The following KIF5C variants were observed in gnomAD, a reference collection of about 807,000 sequenced individuals.
The protein encoded by KIF5C is kinesin heavy chain isoform 5C.
Under a neutral mutation model 125.2 loss-of-function variants are expected in KIF5C, and 18 were observed. The observed-to-expected ratio is 0.14, with a 90% CI of 0.10 to 0.21. KIF5C has a LOEUF of 0.21. KIF5C is among the 10% of genes least tolerant of loss of function. The pLI, the probability that KIF5C is intolerant of heterozygous loss-of-function variation, is 1.00. For synonymous variants in KIF5C, 405 were observed against 434.0 expected (o/e 0.93, Z 0.83); for missense variants, 780 against 1,183.8 (o/e 0.66, Z 5.01).
intron 21 of KIF5C, among the ~76,000 whole-genome samples, chr2:149,003,519 TGA>T: frequency 6.6e-6 from 1 of 152,292 alleles, no homozygotes; most frequent in East Asian, 1.9e-4. Context: ...CTGTCCACTG[TGA>T]CAGGAAGCTG....
At chr2:148,890,946 T>C (rs1057127912) in intron 1 of KIF5C, among the ~76,000 whole-genome samples, 3 of 152,218 alleles carry the variant, frequency 2.0e-5, no homozygotes, top group Non-Finnish European at 4.4e-5. Context: ...TTATCATATA[T>C]ATTATATATA....
chr2:149,000,903 T>G, intron 21 of KIF5C, 121 bp downstream of exon 21: 1 of 1,502,986 alleles, frequency 6.7e-7, no homozygotes, highest in Non-Finnish European at 8.9e-7. Flanking sequence ...AGATAAGACA[T>G]TCTATGGAAA....
At position 148,945,945 on chromosome 2, in the gene KIF5C, A is replaced by G. The variant is rs192251626; in HGVS notation, c.590-954A>G. ...CAGCTTAATGATATTAAGTCTTTCA[A>G]TCAATCCCTTTATTTGTGTCTTCTT... On this transcript the variant is annotated intron_variant, in intron 7 of 25. Coordinates refer to ENST00000435030, the MANE Select transcript of KIF5C (RefSeq NM_004522.3). 5.3e-5 allele frequency among the ~76,000 whole-genome samples: 8 copies of G among 152,344 alleles called. No homozygotes were observed. In the East Asian group the frequency reaches 1.5e-3, roughly 29 times the overall value.
chr2:149,014,157 TG>T (rs1330603472), intron 25 of KIF5C, among the ~76,000 whole-genome samples: 3 of 152,192 alleles, frequency 2.0e-5, no homozygotes, highest in African/African-American at 7.2e-5. Flanking sequence ...CCCGAGTAGC[TG>T]GGATTACAGG....
chr2:148,906,977 T>C (rs1187940867), intron 1 of KIF5C, among the ~76,000 whole-genome samples: 1 of 152,174 alleles, frequency 6.6e-6, no homozygotes, highest in African/African-American at 2.4e-5. Flanking sequence ...GAAGGATCAC[T>C]TGAGTCCAGA....
rs183551186 is a variant in KIF5C at position 148,937,189 on chromosome 2, G to A, written c.292-95G>A. The A allele has an allele frequency of 1.3e-3, 1,944 of 1,495,124 alleles. 5 individuals carry two copies. The highest frequency in any genetic ancestry group is 8.5e-3 in the Middle Eastern group (36 of 4,218). The allele number at this position is 1,495,124 out of a possible 1,614,324, so 92.6% of individuals were successfully genotyped here. The stretch of plus-strand genomic sequence containing the variant: ...ACACGTGGGTGCTTCCTGCTCCACC[G>A]GGTTCTGTCTGAGGAACCCAGAGAT... On this transcript the variant is annotated intron_variant, in intron 3 of 25. Coordinates refer to ENST00000435030, the MANE Select transcript of KIF5C (RefSeq NM_004522.3).
chr2:148,995,713 G>A (rs894158720), intron 17 of KIF5C, among the ~76,000 whole-genome samples: 3 of 152,164 alleles, frequency 2.0e-5, no homozygotes, highest in African/African-American at 7.2e-5. Context: ...CCATCTAAAT[G>A]TCTAATAGTT....
intron 19 of KIF5C, among the ~76,000 whole-genome samples, chr2:148,999,004 C>T (rs555838284): frequency 6.6e-6 from 1 of 152,298 alleles, no homozygotes; most frequent in African/African-American, 2.4e-5. Context: ...TCCATGTGCT[C>T]ACTTCTTAGG....
chr2:148,883,755 C>T (rs2105037909), intron 1 of KIF5C: 1 of 152,144 alleles, frequency 6.6e-6, no homozygotes. Flanking sequence ...CTAATCAATA[C>T]TTTATTTCCT....
rs768780650 is a variant in KIF5C at position 148,979,007 on chromosome 2, AT to A, written c.1362+26del. The A allele has an allele frequency of 2.6e-4, 398 of 1,524,480 alleles. No individual in the cohort carries two copies. The highest frequency in any genetic ancestry group is 9.1e-4 in the South Asian group (70 of 76,720). The allele number at this position is 1,524,480 out of a possible 1,614,324, so 94.4% of individuals were successfully genotyped here. On this transcript the variant is annotated intron_variant, in intron 13 of 25. Coordinates refer to ENST00000435030, the MANE Select transcript of KIF5C (RefSeq NM_004522.3). ...CAGGATGAGGTAAAGAATGCAATAT[AT>A]TTTTTTTTCCACAAAGTTCTTCTAT...
chr2:148,934,234 C>T (rs1355176568), intron 3 of KIF5C, among the ~76,000 whole-genome samples: 1 of 150,812 alleles, frequency 6.6e-6, no homozygotes, highest in African/African-American at 2.4e-5. Context: ...TACATATACA[C>T]ACAGATATAT....
Position 149,025,882 on chromosome 2 carries a change from G to T in KIF5C, c.*2812G>T, listed in dbSNP as rs1229571564. ...ACACTTTGCTTTTGTTAAACAGCAG[G>T]TAGTAGACAGAACAATAACAGTTTC... On this transcript the variant is annotated 3_prime_UTR_variant, in exon 26 of 26. Coordinates refer to ENST00000435030, the MANE Select transcript of KIF5C (RefSeq NM_004522.3). The T allele has an allele frequency of 2.0e-5, 3 of 152,626 alleles. No homozygotes were observed. The highest frequency in any genetic ancestry group is 7.2e-5 in the African/African-American group (3 of 41,450). The allele number at this position is 152,626 out of a possible 1,614,324, so 9.5% of individuals were successfully genotyped here. A position where few individuals can be genotyped will look rare whatever the true frequency, so the allele number is the denominator to read the frequency against.
rs11899266 is a variant in KIF5C, at chr2:149,000,985, G to A, written c.2373+203G>A. On this transcript the variant is annotated intron_variant, in intron 21 of 25. Coordinates refer to ENST00000435030, the MANE Select transcript of KIF5C (RefSeq NM_004522.3). ...AACCAATCCATCTATCCTTAGAGCA[G>A]TAACCTGGAGCCCCTGAGTGAGGAT... 5.5e-3 allele frequency among the ~76,000 whole-genome samples: 844 copies of A among 152,356 alleles called. 5 individuals are homozygous for A. The highest frequency in any genetic ancestry group is 0.019 in the African/African-American group (803 of 41,586).
At chr2:148,903,690 G>A (rs1558881513) in intron 1 of KIF5C, among the ~76,000 whole-genome samples, 1 of 152,162 alleles carries the variant, frequency 6.6e-6, no homozygotes, top group Non-Finnish European at 1.5e-5. Context: ...AGCTGCTGCA[G>A]TATTATTATC....
At chr2:148,921,025 G>T (rs181930440) in intron 1 of KIF5C, among the ~76,000 whole-genome samples, 1 of 152,152 alleles carries the variant, frequency 6.6e-6, no homozygotes, top group African/African-American at 2.4e-5. Context: ...CTGCCTGGGC[G>T]GTGGTGGTAG....
intron 4 of KIF5C, among the ~76,000 whole-genome samples, chr2:148,939,573 G>A (rs536356906): frequency 8.1e-4 from 124 of 152,324 alleles, no homozygotes; most frequent in Middle Eastern, 3.4e-3. Flanking sequence ...AACAGCCCTA[G>A]CATGAAGTTA....
intron 14 of KIF5C, 47 bp downstream of exon 14, chr2:148,981,608 C>T (rs1681238346): frequency 1.3e-6 from 2 of 1,527,254 alleles, no homozygotes; most frequent in Middle Eastern, 2.4e-4. Context: ...GGCTGCCGTT[C>T]CTGTACTCAT....
At chr2:149,020,819 A>C (rs541748293) in intron 25 of KIF5C, among the ~76,000 whole-genome samples, 1 of 152,200 alleles carries the variant, frequency 6.6e-6, no homozygotes, top group African/African-American at 2.4e-5. Flanking sequence ...TGCATTTTAA[A>C]TAACAACTAT....
chr2:148,966,337 AGT>A (rs747467791), intron 11 of KIF5C, among the ~76,000 whole-genome samples: 32 of 150,090 alleles, frequency 2.1e-4, no homozygotes, highest in East Asian at 4.0e-4. Context: ...TGTGTAGCAA[AGT>A]GTGTGTGTGT....
Sources: gnomAD v4.1 joint callset for allele counts (sites outside exome capture counted in the v4.1 genomes callset) on GRCh38, gnomAD v4.1.1 for gene constraint, MANE v1.5 for transcripts, NCBI Gene and HGNC (gene_info 2026-07-23, HGNC 2026-07-21) for gene names.